The following PTPN12 variants were observed in gnomAD, a reference collection of about 807,000 sequenced individuals.
PTPN12 encodes tyrosine-protein phosphatase non-receptor type 12.
PTPN12 carries 29 observed loss-of-function variants against 97.6 expected under a neutral mutation model. The ratio of observed to expected loss-of-function variants is 0.30; its 90% CI spans 0.22 to 0.41. The LOEUF (loss-of-function observed/expected upper bound fraction) is 0.41. PTPN12 is among the 10% of genes least tolerant of loss of function. The pLI, the probability that PTPN12 is intolerant of heterozygous loss-of-function variation, is 1.00. For synonymous variants in PTPN12, 327 were observed against 300.4 expected (o/e 1.09, Z -0.91); for missense variants, 819 against 926.0 (o/e 0.88, Z 1.50).
chr7:77,584,741 G>T (rs1222077673), intron 4 of PTPN12, among the ~76,000 whole-genome samples: 1 of 152,128 alleles, frequency 6.6e-6, no homozygotes, highest in South Asian at 2.1e-4. Flanking sequence ...GCTGGACGTG[G>T]TGGCGGGCGC....
chr7:77,613,460 CT>C (rs1788643148), intron 11 of PTPN12, among the ~76,000 whole-genome samples: 2 of 152,056 alleles, frequency 1.3e-5, no homozygotes, highest in Middle Eastern at 6.8e-3. Flanking sequence ...CAGGCATAAG[CT>C]ACTGCACCCA....
intron 6 of PTPN12, 147 bp downstream of exon 6, chr7:77,592,403 A>G (rs976537258): frequency 1.6e-5 from 9 of 575,420 alleles, no homozygotes; most frequent in Middle Eastern, 4.4e-4. Context: ...TTTTGTTTAT[A>G]TACTGCTTTT....
chr7:77,555,600 A>T (rs921862993), intron 1 of PTPN12, among the ~76,000 whole-genome samples: 4 of 152,136 alleles, frequency 2.6e-5, no homozygotes, highest in African/African-American at 9.7e-5. Context: ...CATTTTTGTT[A>T]CAGTTTTTTA....
intron 1 of PTPN12, among the ~76,000 whole-genome samples, chr7:77,550,342 A>G (rs959302839): frequency 5.9e-5 from 9 of 152,186 alleles, no homozygotes; most frequent in Non-Finnish European, 1.0e-4. Flanking sequence ...CAAAAAGCTC[A>G]TGGAAAAATG....
intron 1 of PTPN12, among the ~76,000 whole-genome samples, chr7:77,552,465 A>G (rs1483537147): frequency 6.6e-6 from 1 of 152,188 alleles, no homozygotes; most frequent in East Asian, 1.9e-4. Context: ...AAATGACCTC[A>G]TCATTTATTT....
chr7:77,579,532 GTAT>G (rs997710651), intron 2 of PTPN12, among the ~76,000 whole-genome samples: 1 of 152,162 alleles, frequency 6.6e-6, no homozygotes. Context: ...TAATTTTGTG[GTAT>G]TATTGATCAT....
At chr7:77,625,506 T>G (rs1242867236) in intron 12 of PTPN12, among the ~76,000 whole-genome samples, 5 of 109,062 alleles carry the variant, frequency 4.6e-5, no homozygotes, top group Non-Finnish European at 9.6e-5. Context: ...TCTCTCTCTC[T>G]CTCTCTCTCT....
chr7:77,620,737 C>T (rs958321901), intron 12 of PTPN12, among the ~76,000 whole-genome samples: 2 of 151,424 alleles, frequency 1.3e-5, no homozygotes, highest in Non-Finnish European at 2.9e-5. Flanking sequence ...ATCACAAGGT[C>T]AGGAGTTTAA....
intron 7 of PTPN12, among the ~76,000 whole-genome samples, chr7:77,600,116 G>A (rs1239037553): frequency 2.6e-5 from 4 of 152,144 alleles, no homozygotes; most frequent in South Asian, 2.1e-4. Flanking sequence ...TACCCAGACC[G>A]TATATTGAGA....
chr7:77,608,954 C>T (rs1448836994), intron 9 of PTPN12, among the ~76,000 whole-genome samples: 4 of 152,186 alleles, frequency 2.6e-5, no homozygotes, highest in Admixed American at 1.3e-4. Context: ...GGTGCCATGG[C>T]TTATGCCATA....
chr7:77,637,945 A>ATT lies in PTPN12; in HGVS notation c.2174-651_2174-650dup, dbSNP rs754842372. ...ACCCTGACCTTGTTGATTTCTTAAAATTTTTTTTTTTTTTTTTTTTTTTTT... is the reference window on the plus strand; with the variant it reads ...ACCCTGACCTTGTTGATTTCTTAAAATTTTTTTTTTTTTTTTTTTTTTTTTTT... On this transcript the variant is annotated intron_variant, in intron 16 of 17. Coordinates refer to ENST00000248594, the MANE Select transcript of PTPN12 (RefSeq NM_002835.4). Among the ~76,000 whole-genome samples, 331 of 66,724 alleles carry ATT rather than the reference A, an allele frequency of 5.0e-3. 16 individuals carry two copies. The highest frequency in any genetic ancestry group is 6.8e-3 in the Non-Finnish European group (251 of 36,714). 43.8% of individuals were successfully genotyped at this position (66,724 alleles called of 152,430 possible).
chr7:77,574,069 A>G (rs1787253483), intron 2 of PTPN12, among the ~76,000 whole-genome samples: 1 of 152,248 alleles, frequency 6.6e-6, no homozygotes, highest in African/African-American at 2.4e-5. Context: ...TGGGAATGCA[A>G]CAAAAAACAA....
At chr7:77,593,423 CT>C (rs1293564909) in intron 6 of PTPN12, among the ~76,000 whole-genome samples, 1 of 152,186 alleles carries the variant, frequency 6.6e-6, no homozygotes, top group East Asian at 1.9e-4. Context: ...GTTATGGAGG[CT>C]GGCCAGTCCA....
intron 6 of PTPN12, among the ~76,000 whole-genome samples, chr7:77,594,353 C>A (rs1787958572): frequency 6.6e-6 from 1 of 151,998 alleles, no homozygotes; most frequent in Non-Finnish European, 1.5e-5. Flanking sequence ...TTGAATAATA[C>A]CCAATACACA....
chr7:77,568,215 C>T (rs537618144), intron 1 of PTPN12, among the ~76,000 whole-genome samples: 3 of 152,122 alleles, frequency 2.0e-5, no homozygotes, highest in East Asian at 3.9e-4. Flanking sequence ...AAAATCCAAA[C>T]TTAAATAAGA....
intron 1 of PTPN12, among the ~76,000 whole-genome samples, chr7:77,553,903 A>C (rs1375421110): frequency 2.9e-5 from 4 of 139,868 alleles, no homozygotes; most frequent in Non-Finnish European, 6.5e-5. Context: ...TTTAATTCAA[A>C]ATATCATATG....
intron 2 of PTPN12, among the ~76,000 whole-genome samples, chr7:77,579,880 T>C (rs570661853): frequency 1.3e-5 from 2 of 152,316 alleles, no homozygotes; most frequent in Non-Finnish European, 2.9e-5. Context: ...GAAATGGAAA[T>C]TAAAACAAGA....
At chr7:77,540,075 C>G (rs904741954) in intron 1 of PTPN12, among the ~76,000 whole-genome samples, 1 of 152,076 alleles carries the variant, frequency 6.6e-6, no homozygotes, top group Non-Finnish European at 1.5e-5. Flanking sequence ...CTTGTTATCC[C>G]TAGGCATATA....
chr7:77,636,703 T>C, intron 15 of PTPN12: 1 of 198,684 alleles, frequency 5.0e-6, no homozygotes. Flanking sequence ...TTTTAAGACA[T>C]GATGTAGTTT....
Sources: gnomAD v4.1 joint callset for allele counts (sites outside exome capture counted in the v4.1 genomes callset) on GRCh38, gnomAD v4.1.1 for gene constraint, MANE v1.5 for transcripts, NCBI Gene and HGNC (gene_info 2026-07-23, HGNC 2026-07-21) for gene names.